NDUFS5: variants seen among roughly 807,000 people sequenced by gnomAD.
NDUFS5 encodes NADH dehydrogenase [ubiquinone] iron-sulfur protein 5.
In NDUFS5, 7 loss-of-function variants were observed where a neutral mutation model predicts 10.5. That is an observed-to-expected ratio of 0.66 (90% CI 0.38 to 1.25). The LOEUF is 1.25. NDUFS5 is among the 50% of genes most tolerant of loss of function. NDUFS5 has a pLI of 0.02. For missense variants in NDUFS5, 148 were observed against 140.7 expected, an observed-to-expected ratio of 1.05 and a Z score of -0.26; for synonymous variants, 38 against 44.0, an observed-to-expected ratio of 0.86 and a Z score of 0.54.
chr1:39,027,581 G>GTTTTTTTTTTTT (rs760373747), intron 1 of NDUFS5, among the ~76,000 whole-genome samples: 1,361 of 91,024 alleles, frequency 0.015, 206 homozygotes, highest in Non-Finnish European at 0.022. Context: ...TTTCGCTCTG[G>GTTTTTTTTTTTT]TTTTTTTTTT....
chr1:39,033,001 A>G (rs1328210896), intron 2 of NDUFS5, among the ~76,000 whole-genome samples: 1 of 152,202 alleles, frequency 6.6e-6, no homozygotes, highest in East Asian at 1.9e-4. Flanking sequence ...GAGCAGAGGA[A>G]TAATGTGATC....
At chr1:39,026,981 T>C (rs1377778444) in intron 1 of NDUFS5, among the ~76,000 whole-genome samples, 1 of 152,238 alleles carries the variant, frequency 6.6e-6, no homozygotes, top group Non-Finnish European at 1.5e-5. Flanking sequence ...GGTGCTTACG[T>C]TGGAGCTGCT....
intron 1 of NDUFS5, among the ~76,000 whole-genome samples, chr1:39,027,462 GGTTT>G (rs1283688878): frequency 6.6e-6 from 1 of 151,928 alleles, no homozygotes; most frequent in Non-Finnish European, 1.5e-5. Context: ...AGGCAGTCAG[GGTTT>G]GTTTTTGTGT....
At chr1:39,028,325 G>GT (rs1644166818) in intron 1 of NDUFS5, among the ~76,000 whole-genome samples, 1 of 151,814 alleles carries the variant, frequency 6.6e-6, no homozygotes, top group South Asian at 2.1e-4. Flanking sequence ...CCAGCTACTT[G>GT]GGAGGCTGAG....
chr1:39,032,709 CAGA>C (rs1302341508), intron 2 of NDUFS5, among the ~76,000 whole-genome samples: 1 of 151,856 alleles, frequency 6.6e-6, no homozygotes, highest in Non-Finnish European at 1.5e-5. Context: ...GGAGAATAAA[CAGA>C]AGGATAGAAA....
chr1:39,033,142 A>T (rs1644201499), intron 2 of NDUFS5, among the ~76,000 whole-genome samples: 1 of 152,182 alleles, frequency 6.6e-6, no homozygotes, highest in African/African-American at 2.4e-5. Context: ...ACAGAATTCA[A>T]GACTCAGCGG....
chr1:39,032,723 G>A (rs1644198094), intron 2 of NDUFS5, among the ~76,000 whole-genome samples: 1 of 152,146 alleles, frequency 6.6e-6, no homozygotes, highest in South Asian at 2.1e-4. Context: ...AGGATAGAAA[G>A]TGCTAGGGGC....
At chr1:39,030,053 C>T (rs1157085026) in intron 2 of NDUFS5, among the ~76,000 whole-genome samples, 4 of 151,410 alleles carry the variant, frequency 2.6e-5, no homozygotes, top group Non-Finnish European at 5.9e-5. Context: ...ATCGTGCCAC[C>T]GCACTCCAGC....
In NDUFS5 at chr1:39,028,889, G is replaced by C. The variant is rs1304970233; in HGVS notation, c.165G>C (p.Glu55Asp). The stretch of plus-strand genomic sequence containing the variant: ...TCGGTTATACTCGGGCAGAGAAAGA[G>C]TGCAAGATAGAATATGATGATTTCG... The part of the protein sequence containing the change: ...HGIGYTRAEK[E>D]CKIEYDDFVE... Residue 55 changes from glutamate (E) to aspartate (D), a missense_variant, in exon 2 of 3, where the codon GAG becomes GAC. By Grantham distance (45) the Glu-to-Asp change is conservative (BLOSUM62 2). Coordinates refer to ENST00000372969, the MANE Select transcript of NDUFS5 (RefSeq NM_004552.3). 1 of 1,613,954 alleles carries C rather than the reference G, an allele frequency of 6.2e-7. No individual in the cohort carries two copies. The highest frequency in any genetic ancestry group is 1.3e-5 in the African/African-American group (1 of 74,888).
chr1:39,031,196 T>C (rs1036098254), intron 2 of NDUFS5, among the ~76,000 whole-genome samples: 9 of 151,950 alleles, frequency 5.9e-5, no homozygotes, highest in East Asian at 3.9e-4. Flanking sequence ...TTATATAAAA[T>C]AGAAATGGGG....
chr1:39,028,170 A>G (rs1261900934), intron 1 of NDUFS5, among the ~76,000 whole-genome samples: 1 of 144,144 alleles, frequency 6.9e-6, no homozygotes, highest in East Asian at 2.3e-4. Context: ...AGTGGCTCAC[A>G]CCTGTAATCC....
intron 2 of NDUFS5, among the ~76,000 whole-genome samples, chr1:39,033,815 T>C (rs1395885230): frequency 6.7e-6 from 1 of 149,526 alleles, no homozygotes; most frequent in East Asian, 2.0e-4. Context: ...TTTATTTATT[T>C]ATTGAGACAA....
chr1:39,030,722 G>GA (rs71057183), intron 2 of NDUFS5, among the ~76,000 whole-genome samples: 26,895 of 141,250 alleles, frequency 0.19, 3,056 homozygotes, highest in East Asian at 0.45. Context: ...TCTGTCTCAA[G>GA]AAAAAAAAAA....
Position 39,030,722 on chromosome 1 carries a change from G to GAA in NDUFS5, c.216+1793_216+1794dup, listed in dbSNP as rs71057183. Among the ~76,000 whole-genome samples, 9 of 141,462 alleles carry GAA rather than the reference G, an allele frequency of 6.4e-5. No homozygotes were observed. In the South Asian group the frequency reaches 9.0e-4, roughly 14 times the overall value. 92.8% of individuals were successfully genotyped at this position (141,462 alleles called of 152,430 possible). On this transcript the variant is annotated intron_variant, in intron 2 of 2. Transcript: ENST00000372969. ...GCGACAGAGCGAGACTCTGTCTCAA[G>GAA]AAAAAAAAAAAAGAAAATAAAAAAA...
chr1:39,032,199 C>T (rs555755410), intron 2 of NDUFS5, among the ~76,000 whole-genome samples: 2 of 152,210 alleles, frequency 1.3e-5, no homozygotes, highest in South Asian at 2.1e-4. Context: ...AAATTTAAGG[C>T]AAAGAAAAGT....
At chr1:39,034,019 T>C (rs994519910) in intron 2 of NDUFS5, among the ~76,000 whole-genome samples, 2 of 151,130 alleles carry the variant, frequency 1.3e-5, no homozygotes, top group Non-Finnish European at 2.9e-5. Flanking sequence ...CAGTCTGGTC[T>C]TAAACTCTTG....
At chr1:39,030,741 A>T (rs1437800718) in intron 2 of NDUFS5, among the ~76,000 whole-genome samples, 1 of 151,198 alleles carries the variant, frequency 6.6e-6, no homozygotes, top group African/African-American at 2.4e-5. Context: ...AAAAGAAAAT[A>T]AAAAAAAGAT....
intron 2 of NDUFS5, among the ~76,000 whole-genome samples, chr1:39,033,895 A>G (rs1335242503): frequency 6.9e-6 from 1 of 145,068 alleles, no homozygotes; most frequent in Admixed American, 6.9e-5. Flanking sequence ...CCGCCTCCCA[A>G]GTTCAAGCAA....
chr1:39,028,429 T>A (rs1436663282), intron 1 of NDUFS5, among the ~76,000 whole-genome samples: 1 of 152,030 alleles, frequency 6.6e-6, no homozygotes, highest in African/African-American at 2.4e-5. Context: ...AGACTCCATC[T>A]CACGTGGTAG....
Sources: gnomAD v4.1 joint callset for allele counts (sites outside exome capture counted in the v4.1 genomes callset) on GRCh38, gnomAD v4.1.1 for gene constraint, MANE v1.5 for transcripts, NCBI Gene and HGNC (gene_info 2026-07-23, HGNC 2026-07-21) for gene names.